OSBPL3: variants seen among roughly 807,000 people sequenced by gnomAD.
OSBPL3 encodes the protein oxysterol binding protein like 3, also known as oxysterol-binding protein-related protein 3.
In OSBPL3, 65 loss-of-function variants were observed where a neutral mutation model predicts 120.1. That is an observed-to-expected ratio of 0.54 (90% CI 0.44 to 0.67). OSBPL3 has a LOEUF of 0.67. Ranked by LOEUF, OSBPL3 falls within the 30% of genes least tolerant of loss-of-function variation. The probability of loss-of-function intolerance (pLI) is 0.00; values close to 1 mark genes in which losing one functional copy is unlikely to be tolerated. For missense variants in OSBPL3, 1,004 were observed against 1,082.1 expected, an observed-to-expected ratio of 0.93 and a Z score of 1.01; for synonymous variants, 416 against 402.6, an observed-to-expected ratio of 1.03 and a Z score of -0.40.
rs1272021422 is a variant in OSBPL3 at position 24,913,222 on chromosome 7, A to T, written c.-149-20601T>A. Among the ~76,000 whole-genome samples the T allele has an allele frequency of 6.6e-6, 1 of 152,168 alleles. No individual in the cohort carries two copies. The highest frequency in any genetic ancestry group is 1.5e-5 in the Non-Finnish European group (1 of 68,040). On this transcript the variant is annotated intron_variant, in intron 1 of 22. Transcript: ENST00000313367. The surrounding 1 kb of genome is among the most constrained non-coding windows in gnomAD (Gnocchi z 5.3). Reference sequence around the variant, plus strand: ...GTCATTAACCTACCAGTTCATCGTCATTGTCTCAATTTACCAAGTTTTGGG... The same window carrying T: ...GTCATTAACCTACCAGTTCATCGTCTTTGTCTCAATTTACCAAGTTTTGGG...
chr7:24,931,112 C>T (rs1222016038), intron 1 of OSBPL3, among the ~76,000 whole-genome samples: 1 of 152,146 alleles, frequency 6.6e-6, no homozygotes, highest in Non-Finnish European at 1.5e-5. Context: ...CCTTCCATTT[C>T]TAGAATAGGT....
intron 1 of OSBPL3, among the ~76,000 whole-genome samples, chr7:24,917,048 C>T (rs1809665295): frequency 6.6e-6 from 1 of 151,996 alleles, no homozygotes. Flanking sequence ...GGGGGCTGCA[C>T]CCATATTTGT....
rs897968296 is a variant in OSBPL3, at chr7:24,896,397, G to A, written c.-149-3776C>T. On this transcript the variant is annotated intron_variant, in intron 1 of 22. Transcript: ENST00000313367. The surrounding 1 kb of genome is among the most constrained non-coding windows in gnomAD (Gnocchi z 4.4). ...CTGATGGGTCAGGACTGTGTGAAAC[G>A]CTAGTGTTTTGGTTAAAAGTCAAAT... 1.3e-5 allele frequency among the ~76,000 whole-genome samples: 2 copies of A among 152,218 alleles called. No homozygotes were observed. Among genetic ancestry groups the A allele is most frequent in the Non-Finnish European group, 1.5e-5 (1 of 68,034 alleles).
At chr7:24,870,509 G>A (rs1801953137) in intron 5 of OSBPL3, among the ~76,000 whole-genome samples, 2 of 152,190 alleles carry the variant, frequency 1.3e-5, no homozygotes, top group Non-Finnish European at 2.9e-5. Flanking sequence ...GGGCAGGTTC[G>A]TATCTAGGGG....
intron 1 of OSBPL3, among the ~76,000 whole-genome samples, chr7:24,957,907 C>A (rs1461033066): frequency 6.6e-6 from 1 of 152,134 alleles, no homozygotes; most frequent in Admixed American, 6.5e-5. Flanking sequence ...CTGTTTTACA[C>A]ATTCTTTTTT....
intron 1 of OSBPL3, among the ~76,000 whole-genome samples, chr7:24,911,509 C>G (rs925469884): frequency 3.9e-5 from 6 of 152,178 alleles, no homozygotes; most frequent in Admixed American, 2.0e-4. Context: ...TAAGTGCTAA[C>G]TGAACACTCT....
intron 1 of OSBPL3, among the ~76,000 whole-genome samples, chr7:24,909,585 A>G (rs1808472267): frequency 6.6e-6 from 1 of 152,170 alleles, no homozygotes; most frequent in Non-Finnish European, 1.5e-5. Flanking sequence ...ACACAGGTAT[A>G]GCACAAATAA....
chr7:24,809,708 G>A, intron 20 of OSBPL3, 99 bp downstream of exon 20: 1 of 1,106,580 alleles, frequency 9.0e-7, no homozygotes, highest in Non-Finnish European at 1.3e-6. Context: ...AGAGGCTGGA[G>A]ATGCTGAACA....
intron 1 of OSBPL3, among the ~76,000 whole-genome samples, chr7:24,914,749 A>C (rs1809310163): frequency 6.6e-6 from 1 of 152,236 alleles, no homozygotes; most frequent in Non-Finnish European, 1.5e-5. Flanking sequence ...ACAAAAGATG[A>C]AACAGGCTAT....
chr7:24,942,501 A>G (rs966586135), intron 1 of OSBPL3, among the ~76,000 whole-genome samples: 1 of 152,146 alleles, frequency 6.6e-6, no homozygotes, highest in Non-Finnish European at 1.5e-5. Flanking sequence ...CACCAGCAGA[A>G]TAGGGAATCC....
In OSBPL3 at chr7:24,817,378, G is replaced by T. The variant is rs10951030; in HGVS notation, c.1949-690C>A. ...TTAAAAATACAAAAATTAGCTGGGC[G>T]TTGTGGTGGGTGCCTGTAGTCCCAG... On this transcript the variant is annotated intron_variant, in intron 17 of 22. Transcript: ENST00000313367. This position sits in a 1 kb window ranked among gnomAD's most constrained non-coding sequence, Gnocchi z 4.0. Among the ~76,000 whole-genome samples, 1 of 152,016 alleles carries T rather than the reference G, an allele frequency of 6.6e-6. No individual in the cohort carries two copies. Among genetic ancestry groups the T allele is most frequent in the African/African-American group, 2.4e-5 (1 of 41,380 alleles).
rs1472490683 is a variant in OSBPL3 at position 24,827,172 on chromosome 7, C to A, written c.1884+3596G>T. On this transcript the variant is annotated intron_variant, in intron 16 of 22. Transcript: ENST00000313367. The surrounding 1 kb of genome is among the most constrained non-coding windows in gnomAD (Gnocchi z 5.1). ...GAAACCTGTACTCATTGTAGAGAGGCACAAGAAAACAAACCTCTAAGCCAT... is the reference window on the plus strand; with the variant it reads ...GAAACCTGTACTCATTGTAGAGAGGAACAAGAAAACAAACCTCTAAGCCAT... Among the ~76,000 whole-genome samples, 2 of 152,186 alleles carry A rather than the reference C, an allele frequency of 1.3e-5. No homozygotes were observed. The highest frequency in any genetic ancestry group is 2.4e-5 in the African/African-American group (1 of 41,444).
At chr7:24,923,018 T>A (rs1461203363) in intron 1 of OSBPL3, among the ~76,000 whole-genome samples, 1 of 152,194 alleles carries the variant, frequency 6.6e-6, no homozygotes, top group Non-Finnish European at 1.5e-5. Context: ...CTCTACACTA[T>A]AACCACTACA....
chr7:24,974,820 T>C (rs983212145), intron 1 of OSBPL3, among the ~76,000 whole-genome samples: 8 of 152,094 alleles, frequency 5.3e-5, no homozygotes, highest in African/African-American at 1.9e-4. Context: ...ATAAAGTAAA[T>C]TAGTGGGTGG....
At chr7:24,864,248 T>C (rs1800994805) in intron 7 of OSBPL3, among the ~76,000 whole-genome samples, 1 of 152,208 alleles carries the variant, frequency 6.6e-6, no homozygotes. Flanking sequence ...GTTCACTGAA[T>C]GCTGATGGAT....
rs1250445433 is a variant in OSBPL3 at position 24,959,380 on chromosome 7, C to T, written c.-150+20506G>A. ...TAAATTTTGGCATATTAACACAATGCGATTCTAACAGCAATAGGAATAAAC... is the reference window on the plus strand; with the variant it reads ...TAAATTTTGGCATATTAACACAATGTGATTCTAACAGCAATAGGAATAAAC... On this transcript the variant is annotated intron_variant, in intron 1 of 22. Coordinates refer to ENST00000313367, the MANE Select transcript of OSBPL3 (RefSeq NM_015550.4). This position sits in a 1 kb window ranked among gnomAD's most constrained non-coding sequence, Gnocchi z 4.3. 2.0e-5 allele frequency among the ~76,000 whole-genome samples: 3 copies of T among 152,138 alleles called. No individual in the cohort carries two copies. The highest frequency in any genetic ancestry group is 1.9e-4 in the East Asian group (1 of 5,190).
At chr7:24,853,330 A>T (rs1298526418) in intron 10 of OSBPL3, among the ~76,000 whole-genome samples, 1 of 152,212 alleles carries the variant, frequency 6.6e-6, no homozygotes, top group African/African-American at 2.4e-5. Context: ...AAGACACAAC[A>T]TCTCCTTTGG....
rs1800849019 is a variant in OSBPL3, at chr7:24,863,349, G to C, written c.778-57C>G. On this transcript the variant is annotated intron_variant, in intron 8 of 22. Transcript: ENST00000313367. This position sits in a 1 kb window ranked among gnomAD's most constrained non-coding sequence, Gnocchi z 5.8. ...CAGTAAAGTCCACCAAACCGACAAGGATAAATGCATAGCAAAGTGACCACC... is the reference window on the plus strand; with the variant it reads ...CAGTAAAGTCCACCAAACCGACAAGCATAAATGCATAGCAAAGTGACCACC... 1 of 1,496,640 alleles carries C rather than the reference G, an allele frequency of 6.7e-7. No individual in the cohort carries two copies. The highest frequency in any genetic ancestry group is 1.1e-5 in the South Asian group (1 of 88,714). 92.7% of individuals were successfully genotyped at this position (1,496,640 alleles called of 1,614,324 possible). A position where few individuals can be genotyped will look rare whatever the true frequency, so the allele number is the denominator to read the frequency against.
intron 2 of OSBPL3, among the ~76,000 whole-genome samples, chr7:24,885,254 G>A (rs559247905): frequency 1.3e-5 from 2 of 151,686 alleles, no homozygotes; most frequent in East Asian, 1.9e-4. Context: ...AAAGAAATGG[G>A]ACTAACCATT....
Sources: gnomAD v4.1 joint callset for allele counts (sites outside exome capture counted in the v4.1 genomes callset) on GRCh38, gnomAD v4.1.1 for gene constraint, Gnocchi (gnomAD v3.1) non-coding constraint, MANE v1.5 for transcripts, NCBI Gene and HGNC (gene_info 2026-07-23, HGNC 2026-07-21) for gene names.